The following PCID2 variants were observed in gnomAD, a reference collection of about 807,000 sequenced individuals.
The protein encoded by PCID2 is PCI domain-containing protein 2.
In PCID2, 41 loss-of-function variants were observed where a neutral mutation model predicts 61.3. The observed-to-expected ratio is 0.67, with a 90% CI of 0.52 to 0.87. PCID2 has a LOEUF of 0.87. Ranked by LOEUF, PCID2 falls within the 40% of genes least tolerant of loss-of-function variation. The pLI is 0.00. For synonymous variants in PCID2, 187 were observed against 177.8 expected, an observed-to-expected ratio of 1.05 and a Z score of -0.41; for missense variants, 392 against 493.4, an observed-to-expected ratio of 0.79 and a Z score of 1.95.
the PCID2 span, chr13:113,172,406 T>C: frequency 7.4e-6 from 3 of 404,376 alleles, no homozygotes; most frequent in Non-Finnish European, 1.4e-5. Flanking sequence ...CCAGAAATTC[T>C]TTCCTTCTCC....
At chr13:113,173,491 A>G (rs1383509590), downstream of PCID2, among the ~76,000 whole-genome samples, 1 of 152,232 alleles carries the variant, frequency 6.6e-6, no homozygotes, top group African/African-American at 2.4e-5. Context: ...AAGAGGAATT[A>G]AAAATGTAGG....
intron 7 of PCID2, among the ~76,000 whole-genome samples, chr13:113,189,585 G>A (rs1274738707): frequency 2.0e-5 from 3 of 152,084 alleles, no homozygotes; most frequent in Non-Finnish European, 4.4e-5. Flanking sequence ...TGAAGAGATG[G>A]GAGTTTTAGA....
chr13:113,184,437 T>C lies in PCID2; in HGVS notation c.594A>G (p.Ser198=). The part of the protein sequence containing the change: ...CKPLIRAIDS[S]NLKDDYSTAQ... ...CAGTGCTGTAATCGTCTTTCAGGTT[T>C]GAGCTGTCAATTGCTCTAATTAGGG... is the stretch of plus-strand genomic sequence containing the variant. Residue 198 remains serine (S), a synonymous_variant, in exon 9 of 14, where the codon TCA becomes TCG. Coordinates refer to ENST00000337344, the MANE Select transcript of PCID2 (RefSeq NM_001127202.4). 1 of 1,601,022 alleles carries C rather than the reference T, an allele frequency of 6.2e-7. No homozygotes were observed. The highest frequency in any genetic ancestry group is 1.1e-5 in the South Asian group (1 of 90,812).
downstream of PCID2, among the ~76,000 whole-genome samples, chr13:113,175,896 G>A (rs1485791637): frequency 1.3e-5 from 2 of 152,210 alleles, no homozygotes; most frequent in East Asian, 1.9e-4. Context: ...CCTACGTGTG[G>A]AGAGAAACAG....
At position 113,187,207 on chromosome 13, in the gene PCID2, G is replaced by A. The variant is rs951125572; in HGVS notation, c.468-1647C>T. 3.9e-5 allele frequency: 6 copies of A among 152,168 alleles called. No individual in the cohort carries two copies. In the East Asian group the frequency reaches 7.7e-4, roughly 20 times the overall value. The allele number at this position is 152,168 out of a possible 1,614,324, so 9.4% of individuals were successfully genotyped here. The stretch of plus-strand genomic sequence containing the variant: ...AAGTACTCCGTAACTCACGTAAAAC[G>A]CTACACGCATGGTAATATCGTAGCT... On this transcript the variant is annotated intron_variant, in intron 7 of 13. Coordinates refer to ENST00000337344, the MANE Select transcript of PCID2 (RefSeq NM_001127202.4).
intron 1 of PCID2, among the ~76,000 whole-genome samples, chr13:113,201,999 T>A (rs565933731): frequency 6.6e-5 from 10 of 152,170 alleles, no homozygotes; most frequent in African/African-American, 2.4e-4. Flanking sequence ...GCAGATGAGA[T>A]CCCTCTACAC....
chr13:113,175,356 T>G (rs1451346837), downstream of PCID2, among the ~76,000 whole-genome samples: 2 of 152,220 alleles, frequency 1.3e-5, no homozygotes, highest in Non-Finnish European at 2.9e-5. Flanking sequence ...GTTCAATACG[T>G]TACCCAGAAA....
At chr13:113,208,485 A>T in intron 1 of PCID2, 114 bp downstream of exon 1, 2 of 1,541,022 alleles carry the variant, frequency 1.3e-6, no homozygotes, top group Admixed American at 2.0e-5. Context: ...ACCCGAACGG[A>T]AGAAGGGTGG....
At chr13:113,183,452 A>G (rs1268141353) in intron 9 of PCID2, among the ~76,000 whole-genome samples, 1 of 152,184 alleles carries the variant, frequency 6.6e-6, no homozygotes, top group Admixed American at 6.5e-5. Flanking sequence ...AGAGACAGAT[A>G]AGAAAAGCCC....
intron 13 of PCID2, 60 bp downstream of exon 13, chr13:113,178,906 A>C: frequency 2.6e-6 from 4 of 1,543,646 alleles, no homozygotes; most frequent in Non-Finnish European, 3.5e-6. Flanking sequence ...CTGAAGCTTC[A>C]AATTCTGGGC....
the PCID2 span, among the ~76,000 whole-genome samples, chr13:113,166,736 G>C: frequency 6.6e-6 from 1 of 152,212 alleles, no homozygotes; most frequent in Non-Finnish European, 1.5e-5. Context: ...TCCTATCGCT[G>C]TCTGCCCCAT....
At chr13:113,167,756 A>G in the PCID2 span, among the ~76,000 whole-genome samples, 1 of 152,186 alleles carries the variant, frequency 6.6e-6, no homozygotes, top group Non-Finnish European at 1.5e-5. Context: ...CTGCCTTTTA[A>G]TTGGGGTATT....
At chr13:113,173,539 A>G (rs116186065), downstream of PCID2, among the ~76,000 whole-genome samples, 1,532 of 152,376 alleles carry the variant, frequency 0.01, 23 homozygotes, top group African/African-American at 0.033. Context: ...CAATTTACAC[A>G]TAACTTGGGT....
the PCID2 span, chr13:113,172,179 G>T: frequency 2.6e-6 from 4 of 1,568,092 alleles, no homozygotes; most frequent in Non-Finnish European, 3.5e-6. Flanking sequence ...ACTGTGGAGG[G>T]CGCTGAAACT....
intron 7 of PCID2, chr13:113,187,858 TC>T (rs1393430132): frequency 6.6e-6 from 1 of 152,232 alleles, no homozygotes; most frequent in Non-Finnish European, 1.5e-5. Flanking sequence ...ATTAATTTTT[TC>T]CTTTGGTTGC....
chr13:113,193,751 T>C (rs1385062576), intron 6 of PCID2, among the ~76,000 whole-genome samples: 1 of 152,242 alleles, frequency 6.6e-6, no homozygotes, highest in African/African-American at 2.4e-5. Context: ...GGTTCTTCTT[T>C]ATATCGCCTA....
rs2138630332 is a variant in PCID2, at chr13:113,177,553, T to C, written c.*645A>G. ...CCATAATGTTTAGTAGCAGGTGTAT[T>C]AAATGTATTTTCAATTTAAGATGGT... On this transcript the variant is annotated 3_prime_UTR_variant, in exon 14 of 14. Coordinates refer to ENST00000337344, the MANE Select transcript of PCID2 (RefSeq NM_001127202.4). 6.6e-6 allele frequency: 1 copy of C among 152,358 alleles called. No homozygotes were observed. Among genetic ancestry groups the C allele is most frequent in the South Asian group, 2.1e-4 (1 of 4,826 alleles). The allele number at this position is 152,358 out of a possible 1,614,324, so 9.4% of individuals were successfully genotyped here. A position where few individuals can be genotyped will look rare whatever the true frequency, so the allele number is the denominator to read the frequency against.
At chr13:113,174,252 A>C (rs920370415), downstream of PCID2, among the ~76,000 whole-genome samples, 18 of 151,330 alleles carry the variant, frequency 1.2e-4, no homozygotes, top group Non-Finnish European at 1.9e-4. Flanking sequence ...AAAAAAAAAA[A>C]CCTACTTCAA....
chr13:113,167,246 T>G, the PCID2 span, among the ~76,000 whole-genome samples: 1 of 152,190 alleles, frequency 6.6e-6, no homozygotes, highest in South Asian at 2.1e-4. Context: ...CCCTTTAAAG[T>G]GAGGATCTCA....
Sources: gnomAD v4.1 joint callset for allele counts (sites outside exome capture counted in the v4.1 genomes callset) on GRCh38, gnomAD v4.1.1 for gene constraint, MANE v1.5 for transcripts, NCBI Gene and HGNC (gene_info 2026-07-23, HGNC 2026-07-21) for gene names.